TRAF3: variants seen among roughly 807,000 people sequenced by gnomAD.
TRAF3 encodes TNF receptor associated factor 3, also known as TNF receptor-associated factor 3.
A neutral mutation model predicts 62.3 loss-of-function variants in TRAF3; 13 were observed. The ratio of observed to expected loss-of-function variants is 0.21; its 90% CI spans 0.14 to 0.33. The LOEUF (loss-of-function observed/expected upper bound fraction) is 0.33, where lower values mean the gene tolerates loss of function less well. TRAF3 is among the 10% of genes least tolerant of loss of function. TRAF3 has a pLI of 1.00. For missense variants in TRAF3, 440 were observed against 741.8 expected (o/e 0.59, Z 4.73); for synonymous variants, 269 against 283.4 (o/e 0.95, Z 0.51).
In TRAF3 at chr14:102,786,899, C is replaced by T. The variant is rs559088945; in HGVS notation, c.-157+9224C>T. On this transcript the variant is annotated intron_variant, in intron 1 of 11. Transcript: ENST00000392745. ...CATCTAACTACTCAGGAGGCTGATG[C>T]GGGAGGAGTGCTTGAGCCCAGGAGG... Among the ~76,000 whole-genome samples the T allele has an allele frequency of 1.6e-4, 24 of 152,196 alleles. 1 individual carries two copies. The South Asian group carries it at 4.8e-3, about 30-fold the overall frequency.
intron 9 of TRAF3, among the ~76,000 whole-genome samples, chr14:102,895,999 G>C (rs1889988186): frequency 1.3e-5 from 2 of 152,140 alleles, no homozygotes; most frequent in African/African-American, 4.8e-5. Context: ...TGGCAGAGCT[G>C]TTCAAACTGC....
At chr14:102,805,422 G>A in intron 1 of TRAF3, among the ~76,000 whole-genome samples, 1 of 152,186 alleles carries the variant, frequency 6.6e-6, no homozygotes, top group East Asian at 1.9e-4. Flanking sequence ...GTGACAAGTG[G>A]AAGAAGATAT....
At chr14:102,814,944 TTCTTTTTCTGAGACAGAA>T (rs1364777115) in intron 1 of TRAF3, among the ~76,000 whole-genome samples, 1 of 152,226 alleles carries the variant, frequency 6.6e-6, no homozygotes, top group Admixed American at 6.5e-5. Context: ...TTTCTTTTCT[TTCTTTTTCTGAGACAGAA>T]TCTCGCACTG....
intron 6 of TRAF3, among the ~76,000 whole-genome samples, chr14:102,884,305 G>T (rs1054123331): frequency 2.0e-5 from 3 of 152,072 alleles, no homozygotes; most frequent in South Asian, 2.1e-4. Flanking sequence ...TTAGATTTAG[G>T]GTCTGCCCGA....
At chr14:102,808,332 G>A (rs1344615111) in intron 1 of TRAF3, among the ~76,000 whole-genome samples, 1 of 152,076 alleles carries the variant, frequency 6.6e-6, no homozygotes, top group Non-Finnish European at 1.5e-5. Context: ...GGCCAAGATG[G>A]TGAAACCCCA....
chr14:102,828,380 A>G (rs921364341), intron 1 of TRAF3, among the ~76,000 whole-genome samples: 1 of 152,268 alleles, frequency 6.6e-6, no homozygotes, highest in East Asian at 1.9e-4. Context: ...CGGAAGGAGG[A>G]GATAATGAAG....
At chr14:102,897,010 G>A (rs905548087) in intron 9 of TRAF3, among the ~76,000 whole-genome samples, 1 of 152,100 alleles carries the variant, frequency 6.6e-6, no homozygotes, top group African/African-American at 2.4e-5. Flanking sequence ...GGAGGTCAAG[G>A]CTGCAGTGAG....
chr14:102,859,157 T>C (rs866762199), intron 2 of TRAF3, among the ~76,000 whole-genome samples: 1 of 150,952 alleles, frequency 6.6e-6, no homozygotes, highest in Non-Finnish European at 1.5e-5. Context: ...AGCTTTATCC[T>C]AACTTAAAAC....
At chr14:102,803,864 A>G (rs1229253108) in intron 1 of TRAF3, among the ~76,000 whole-genome samples, 3 of 152,200 alleles carry the variant, frequency 2.0e-5, no homozygotes, top group Admixed American at 6.5e-5. Context: ...ATGCAAATAT[A>G]TAATTCTTGG....
chr14:102,840,477 C>T (rs1216709533), intron 2 of TRAF3, among the ~76,000 whole-genome samples: 4 of 152,094 alleles, frequency 2.6e-5, no homozygotes, highest in East Asian at 1.9e-4. Context: ...GCAGTCCTCC[C>T]GTCTTAGCCT....
intron 2 of TRAF3, among the ~76,000 whole-genome samples, chr14:102,852,480 G>A (rs1595363222): frequency 6.6e-6 from 1 of 152,294 alleles, no homozygotes; most frequent in East Asian, 1.9e-4. Flanking sequence ...TGAGGCTGCA[G>A]TTGTCCTCTT....
Position 102,903,479 on chromosome 14 carries a change from C to T in TRAF3, c.1135+50C>T, listed in dbSNP as rs371052698. ...CAGCAGTGTGCATCTGGGCCCCGGG[C>T]GAGTGCTGGGGCGGGGTCCGTGGGA... is the stretch of plus-strand genomic sequence containing the variant. On this transcript the variant is annotated intron_variant, in intron 11 of 11. Transcript: ENST00000392745. The surrounding 1 kb of genome is among the most constrained non-coding windows in gnomAD (Gnocchi z 6.4). 5.0e-6 allele frequency: 8 copies of T among 1,610,932 alleles called. No individual in the cohort carries two copies. Among genetic ancestry groups the T allele is most frequent in the East Asian group, 2.2e-5 (1 of 44,830 alleles).
rs115806500 is a variant in TRAF3 at position 102,849,915 on chromosome 14, T to C, written c.-18+19443T>C. The stretch of plus-strand genomic sequence containing the variant: ...TTAATTGCCCTGCTGGGCTTGATGT[T>C]GAGCTGCTTTTCTCCATGTGTGTCG... On this transcript the variant is annotated intron_variant, in intron 2 of 11. Transcript: ENST00000392745. Among the ~76,000 whole-genome samples, 705 of 152,364 alleles carry C rather than the reference T, an allele frequency of 4.6e-3. 10 individuals are homozygous for C. The highest frequency in any genetic ancestry group is 0.016 in the African/African-American group (665 of 41,584).
intron 1 of TRAF3, among the ~76,000 whole-genome samples, chr14:102,802,557 G>A (rs931291659): frequency 4.0e-5 from 6 of 150,988 alleles, no homozygotes; most frequent in Non-Finnish European, 5.9e-5. Context: ...GGCTGGGCGC[G>A]GTGGCTCACG....
intron 6 of TRAF3, among the ~76,000 whole-genome samples, chr14:102,878,456 G>A (rs1342517861): frequency 6.6e-6 from 1 of 151,314 alleles, no homozygotes; most frequent in Non-Finnish European, 1.5e-5. Flanking sequence ...GAATTAAAGA[G>A]GAAAGCAGAG....
chr14:102,832,133 G>A (rs1426825525), intron 2 of TRAF3, among the ~76,000 whole-genome samples: 1 of 151,560 alleles, frequency 6.6e-6, no homozygotes, highest in Non-Finnish European at 1.5e-5. Context: ...TATTTATCAT[G>A]TACAACATGA....
At chr14:102,864,182 G>T (rs960909773) in intron 2 of TRAF3, among the ~76,000 whole-genome samples, 3 of 139,232 alleles carry the variant, frequency 2.2e-5, no homozygotes, top group African/African-American at 8.1e-5. Flanking sequence ...GGATTCTTGC[G>T]CTCTCACCCG....
chr14:102,888,991 T>A (rs1335660977), intron 7 of TRAF3, among the ~76,000 whole-genome samples: 1 of 152,198 alleles, frequency 6.6e-6, no homozygotes, highest in Non-Finnish European at 1.5e-5. Flanking sequence ...GTTAGACTGA[T>A]CTTAGAGGTC....
intron 2 of TRAF3, among the ~76,000 whole-genome samples, chr14:102,840,015 T>G (rs1294985230): frequency 6.6e-6 from 1 of 152,164 alleles, no homozygotes; most frequent in Non-Finnish European, 1.5e-5. Flanking sequence ...AAGAAAGTTA[T>G]TCCCGGAGAC....
Sources: allele counts gnomAD v4.1 joint callset (sites outside exome capture counted in the v4.1 genomes callset), GRCh38; gene constraint gnomAD v4.1.1; non-coding constraint Gnocchi (gnomAD v3.1); transcripts MANE v1.5; gene names NCBI Gene and HGNC (gene_info 2026-07-23, HGNC 2026-07-21).